The following SYT17 variants were observed in gnomAD, a reference collection of about 807,000 sequenced individuals.
The protein encoded by SYT17 is synaptotagmin-17.
Under a neutral mutation model 46.7 loss-of-function variants are expected in SYT17, and 22 were observed. That is an observed-to-expected ratio of 0.47 (90% CI 0.34 to 0.67). The LOEUF (loss-of-function observed/expected upper bound fraction) is 0.67, where lower values mean the gene tolerates loss of function less well. Ranked by LOEUF, SYT17 falls within the 30% of genes least tolerant of loss-of-function variation. SYT17 has a pLI of 0.01. For missense variants in SYT17, 519 were observed against 612.8 expected, an observed-to-expected ratio of 0.85 and a Z score of 1.62; for synonymous variants, 251 against 248.4, an observed-to-expected ratio of 1.01 and a Z score of -0.10.
chr16:19,252,470 CATATATATATACATAT>C lies in SYT17; in HGVS notation c.1229-14402_1229-14387del, dbSNP rs1373944166. 1.6e-3 allele frequency among the ~76,000 whole-genome samples: 6 copies of C among 3,752 alleles called. 2 individuals are homozygous for C. The highest frequency in any genetic ancestry group is 0.01 in the Admixed American group (2 of 194). 2.5% of individuals were successfully genotyped at this position (3,752 alleles called of 152,430 possible). On this transcript the variant is annotated intron_variant, in intron 7 of 7. Coordinates refer to ENST00000355377, the MANE Select transcript of SYT17 (RefSeq NM_016524.4). The stretch of plus-strand genomic sequence containing the variant: ...ATACACATATATACATATATATATA[CATATATATATACATAT>C]ATATATACATATATATATACATATA...
intron 5 of SYT17, among the ~76,000 whole-genome samples, chr16:19,185,312 C>A (rs565235667): frequency 5.8e-4 from 89 of 152,288 alleles, no homozygotes; most frequent in South Asian, 5.8e-3. Context: ...CCAGGCCAGG[C>A]GCAGTGGCTT....
At chr16:19,198,375 A>C (rs555853934) in intron 5 of SYT17, among the ~76,000 whole-genome samples, 2 of 152,322 alleles carry the variant, frequency 1.3e-5, no homozygotes, top group African/African-American at 4.8e-5. Context: ...TCAAAAGCAC[A>C]GACCTAGTGT....
intron 5 of SYT17, among the ~76,000 whole-genome samples, chr16:19,212,561 CAGTG>C (rs1965946629): frequency 6.6e-6 from 1 of 152,172 alleles, no homozygotes; most frequent in Non-Finnish European, 1.5e-5. Flanking sequence ...GCAGAGGCGA[CAGTG>C]AGCCAAGATT....
chr16:19,261,036 T>A (rs2269792), intron 7 of SYT17, among the ~76,000 whole-genome samples: 1 of 152,092 alleles, frequency 6.6e-6, no homozygotes, highest in African/African-American at 2.4e-5. Flanking sequence ...AAAGAGAGTC[T>A]TACTATGTTG....
At chr16:19,206,179 C>A (rs1965665688) in intron 5 of SYT17, among the ~76,000 whole-genome samples, 1 of 152,114 alleles carries the variant, frequency 6.6e-6, no homozygotes, top group Non-Finnish European at 1.5e-5. Flanking sequence ...CTGGGGAAAA[C>A]TACATTTAAG....
intron 7 of SYT17, among the ~76,000 whole-genome samples, chr16:19,245,544 T>C (rs1967483207): frequency 6.6e-6 from 1 of 152,176 alleles, no homozygotes; most frequent in South Asian, 2.1e-4. Context: ...TTGTTTACTC[T>C]CCTTATGGCA....
intron 7 of SYT17, among the ~76,000 whole-genome samples, chr16:19,259,911 A>G (rs941061522): frequency 6.6e-6 from 1 of 152,116 alleles, no homozygotes; most frequent in African/African-American, 2.4e-5. Flanking sequence ...GCTTGGTTTT[A>G]TACATTTTAG....
intron 7 of SYT17, among the ~76,000 whole-genome samples, chr16:19,247,572 C>T (rs1967674084): frequency 6.6e-6 from 1 of 152,170 alleles, no homozygotes; most frequent in South Asian, 2.1e-4. Context: ...CTTGAAGCAT[C>T]CAATTGAGAC....
intron 5 of SYT17, among the ~76,000 whole-genome samples, chr16:19,189,792 G>A (rs1964941810): frequency 6.6e-6 from 1 of 152,206 alleles, no homozygotes; most frequent in African/African-American, 2.4e-5. Context: ...CTATTCTAAT[G>A]GTGTGTGGAG....
Position 19,173,578 on chromosome 16 carries a change from T to G in SYT17, c.182T>G (p.Leu61Arg). 1 of 1,613,132 alleles carries G rather than the reference T, an allele frequency of 6.2e-7. No individual in the cohort carries two copies. Among genetic ancestry groups the G allele is most frequent in the Non-Finnish European group, 8.5e-7 (1 of 1,179,738 alleles). ...TTCCCTGCTCAGACCCCTCCCTGGCTGTAAGTAAAACTGCTCTGAACTTCT... is the reference window on the plus strand; with the variant it reads ...TTCCCTGCTCAGACCCCTCCCTGGCGGTAAGTAAAACTGCTCTGAACTTCT... ...GPFPAQTPPW[L>R]MASRSSDKDG... The change falls in exon 3 of 8, where the codon CTG (leucine) becomes CGG (arginine). Residue 61 changes from leucine (L) to arginine (R), a missense_variant and splice_region_variant. By Grantham distance (102) the Leu-to-Arg change is moderately radical (BLOSUM62 -2). Coordinates refer to ENST00000355377, the MANE Select transcript of SYT17 (RefSeq NM_016524.4).
At chr16:19,195,214 A>G (rs894691904) in intron 5 of SYT17, among the ~76,000 whole-genome samples, 1 of 151,994 alleles carries the variant, frequency 6.6e-6, no homozygotes, top group African/African-American at 2.4e-5. Flanking sequence ...TATTATTATC[A>G]CCCCATTTTA....
Position 19,267,053 on chromosome 16 carries a change from C to T in SYT17, c.1402C>T (p.Pro468Ser). 1.5e-5 allele frequency: 24 copies of T among 1,610,454 alleles called. No homozygotes were observed. The highest frequency in any genetic ancestry group is 2.0e-5 in the Non-Finnish European group (24 of 1,178,978). ...RSRAECDRVSPASLEVT is the reference protein window; with the variant it reads ...RSRAECDRVSSASLEVT ...CCGAGCTGAGTGTGACCGCGTGTCTCCTGCCTCCCTGGAGGTGACCTGAGG... is the reference window on the plus strand; with the variant it reads ...CCGAGCTGAGTGTGACCGCGTGTCTTCTGCCTCCCTGGAGGTGACCTGAGG... Residue 468 changes from proline to serine, a missense_variant, in exon 8 of 8, where the codon CCT (proline) becomes TCT (serine). Coordinates refer to ENST00000355377, the MANE Select transcript of SYT17 (RefSeq NM_016524.4).
At chr16:19,178,736 G>A (rs1241368524) in intron 3 of SYT17, among the ~76,000 whole-genome samples, 1 of 152,104 alleles carries the variant, frequency 6.6e-6, no homozygotes, top group African/African-American at 2.4e-5. Flanking sequence ...ATGCAGCCTC[G>A]GAAGGCATAA....
intron 3 of SYT17, among the ~76,000 whole-genome samples, chr16:19,178,861 A>G (rs1327043706): frequency 6.6e-6 from 1 of 151,916 alleles, no homozygotes; most frequent in Non-Finnish European, 1.5e-5. Context: ...ACCTAGCTTT[A>G]TGAGTATTGG....
At chr16:19,197,519 G>A (rs1040232579) in intron 5 of SYT17, among the ~76,000 whole-genome samples, 4 of 151,984 alleles carry the variant, frequency 2.6e-5, no homozygotes, top group Admixed American at 2.0e-4. Flanking sequence ...TGCAGTAAGA[G>A]TTCACTGCAG....
rs1328180770 is a variant in SYT17, at chr16:19,220,791, AAG to A, written c.952-2251_952-2250del. Among the ~76,000 whole-genome samples, 12 of 152,274 alleles carry A rather than the reference AAG, an allele frequency of 7.9e-5. No homozygotes were observed. The East Asian group carries it at 2.3e-3, about 29-fold the overall frequency. The stretch of plus-strand genomic sequence containing the variant: ...TCAGGGATTTTTTAAAAACATTACT[AAG>A]AGGAAGCATCAGAGGAGTAAGGGGG... On this transcript the variant is annotated intron_variant, in intron 5 of 7. Coordinates refer to ENST00000355377, the MANE Select transcript of SYT17 (RefSeq NM_016524.4).
At chr16:19,260,789 G>A (rs12921886) in intron 7 of SYT17, among the ~76,000 whole-genome samples, 2 of 152,134 alleles carry the variant, frequency 1.3e-5, no homozygotes, top group Non-Finnish European at 1.5e-5. Context: ...ATTTGGTGGA[G>A]GTACTTTACA....
intron 5 of SYT17, among the ~76,000 whole-genome samples, chr16:19,212,765 C>T (rs903006360): frequency 6.6e-6 from 1 of 152,204 alleles, no homozygotes; most frequent in Non-Finnish European, 1.5e-5. Context: ...AGGAAGACTT[C>T]ACAGAGTTGG....
At chr16:19,226,292 C>G (rs971969182) in intron 7 of SYT17, among the ~76,000 whole-genome samples, 1 of 152,134 alleles carries the variant, frequency 6.6e-6, no homozygotes, top group African/African-American at 2.4e-5. Flanking sequence ...AACTGGGGAT[C>G]GACATCATCC....
Sources: allele counts gnomAD v4.1 joint callset (sites outside exome capture counted in the v4.1 genomes callset), GRCh38; gene constraint gnomAD v4.1.1; transcripts MANE v1.5; gene names NCBI Gene and HGNC (gene_info 2026-07-23, HGNC 2026-07-21).